The following APBA2 variants were observed in gnomAD, a reference collection of about 807,000 sequenced individuals.
APBA2 encodes the protein amyloid beta precursor protein binding family A member 2.
APBA2 carries 30 observed loss-of-function variants against 75.0 expected under a neutral mutation model. The observed-to-expected ratio is 0.40, with a 90% CI of 0.30 to 0.54. The LOEUF is 0.54. Among genes scored for constraint, APBA2 ranks in the 20% least tolerant of loss-of-function variants. The pLI is 0.49. For missense variants in APBA2, 801 were observed against 1,016.1 expected, an observed-to-expected ratio of 0.79 and a Z score of 2.88; for synonymous variants, 444 against 409.6, an observed-to-expected ratio of 1.08 and a Z score of -1.01.
chr15:28,983,804 G>A (rs972620882), intron 2 of APBA2, among the ~76,000 whole-genome samples: 20 of 152,206 alleles, frequency 1.3e-4, no homozygotes, highest in South Asian at 6.2e-4. Context: ...CCCACCTCTG[G>A]GGAAGGTTAG....
chr15:29,005,268 T>G (rs538159501), intron 3 of APBA2, among the ~76,000 whole-genome samples: 1 of 152,256 alleles, frequency 6.6e-6, no homozygotes, highest in Non-Finnish European at 1.5e-5. Context: ...TGCCTTTTTT[T>G]TTGTTTTTTT....
intron 2 of APBA2, among the ~76,000 whole-genome samples, chr15:28,985,793 A>G (rs1439662998): frequency 6.6e-6 from 1 of 152,214 alleles, no homozygotes; most frequent in Non-Finnish European, 1.5e-5. Context: ...GGTTCGTTCT[A>G]TGAAACGCAC....
intron 2 of APBA2, among the ~76,000 whole-genome samples, chr15:28,961,963 A>G (rs912783647): frequency 6.6e-6 from 1 of 152,212 alleles, no homozygotes; most frequent in African/African-American, 2.4e-5. Context: ...CCAGTGGGAC[A>G]GTTGAGAGAG....
chr15:29,117,326 A>AGAG lies in APBA2; in HGVS notation c.*194_*196dup, dbSNP rs1178762680. On this transcript the variant is annotated 3_prime_UTR_variant, in exon 15 of 15. Transcript: ENST00000683413. ...AAAAGGGGTATGTCTTTATCAAAGGAGAGTCACAGAACAAATGTTTGTTTG... is the reference window on the plus strand; with the variant it reads ...AAAAGGGGTATGTCTTTATCAAAGGAGAGGAGTCACAGAACAAATGTTTGTTTG... The AGAG allele has an allele frequency of 4.9e-6, 3 of 607,912 alleles. No individual in the cohort carries two copies. Among genetic ancestry groups the AGAG allele is most frequent in the East Asian group, 2.8e-5 (1 of 36,324 alleles). The allele number at this position is 607,912 out of a possible 1,614,324, so 37.7% of individuals were successfully genotyped here. A position where few individuals can be genotyped will look rare whatever the true frequency, so the allele number is the denominator to read the frequency against.
intron 1 of APBA2, among the ~76,000 whole-genome samples, chr15:28,909,241 C>T (rs541587769): frequency 7.2e-5 from 11 of 152,138 alleles, no homozygotes; most frequent in South Asian, 2.1e-4. Context: ...CCGCCCGCCT[C>T]GGCCTCCCAA....
chr15:29,070,833 A>G (rs2042588135), intron 4 of APBA2: 1 of 305,888 alleles, frequency 3.3e-6, no homozygotes, highest in Non-Finnish European at 6.4e-6. Flanking sequence ...GAAATATCAG[A>G]TGAGTAGGGA....
intron 14 of APBA2, among the ~76,000 whole-genome samples, chr15:29,116,627 C>CAAA (rs531479741): frequency 8.6e-6 from 1 of 116,754 alleles, no homozygotes; most frequent in African/African-American, 3.0e-5. Context: ...GACTCCGTCT[C>CAAA]AAAAAAAAAA....
At chr15:29,037,273 T>C (rs1044804779) in intron 3 of APBA2, among the ~76,000 whole-genome samples, 1 of 152,164 alleles carries the variant, frequency 6.6e-6, no homozygotes, top group Non-Finnish European at 1.5e-5. Context: ...GAACCCGTCT[T>C]GGTAGCTCCA....
At position 28,930,629 on chromosome 15, in the gene APBA2, G is replaced by A. The variant is rs551352015; in HGVS notation, c.-95+8880G>A. Reference sequence around the variant, plus strand: ...TTTTGCTGGCCAGGGAGTGTTCCGAGGGATGGAGTGTCTGGGGAGAGGGCA... The same window carrying A: ...TTTTGCTGGCCAGGGAGTGTTCCGAAGGATGGAGTGTCTGGGGAGAGGGCA... On this transcript the variant is annotated intron_variant, in intron 2 of 14. Coordinates refer to ENST00000683413, the MANE Select transcript of APBA2 (RefSeq NM_001353788.2). 2.4e-4 allele frequency among the ~76,000 whole-genome samples: 36 copies of A among 152,248 alleles called. No individual in the cohort carries two copies. In the South Asian group the frequency reaches 6.8e-3, roughly 29 times the overall value.
chr15:29,030,701 A>T (rs1019089727), intron 3 of APBA2, among the ~76,000 whole-genome samples: 1 of 151,338 alleles, frequency 6.6e-6, no homozygotes, highest in Non-Finnish European at 1.5e-5. Context: ...AATGCTACAT[A>T]GGCAGTTTTG....
At chr15:29,021,240 G>A (rs967418632) in intron 3 of APBA2, among the ~76,000 whole-genome samples, 2 of 152,062 alleles carry the variant, frequency 1.3e-5, no homozygotes, top group Non-Finnish European at 2.9e-5. Flanking sequence ...AAAAAAAAGA[G>A]GATGGGGGCC....
chr15:28,946,931 T>A (rs776502478), intron 2 of APBA2, among the ~76,000 whole-genome samples: 51 of 152,222 alleles, frequency 3.4e-4, no homozygotes, highest in African/African-American at 1.2e-3. Context: ...TGGTGTTGTC[T>A]GAAGTCACTA....
intron 2 of APBA2, among the ~76,000 whole-genome samples, chr15:28,960,203 G>A (rs1463481901): frequency 6.6e-6 from 1 of 150,442 alleles, no homozygotes; most frequent in East Asian, 2.0e-4. Flanking sequence ...GCTCGTGCCT[G>A]TAATCCCAGC....
chr15:29,089,656 C>G (rs550527368), intron 6 of APBA2, among the ~76,000 whole-genome samples: 1 of 152,202 alleles, frequency 6.6e-6, no homozygotes, highest in African/African-American at 2.4e-5. Context: ...CCCTCCCCTT[C>G]CCTCTCCAGA....
At chr15:28,995,129 G>C (rs1324643391) in intron 2 of APBA2, among the ~76,000 whole-genome samples, 2 of 152,080 alleles carry the variant, frequency 1.3e-5, no homozygotes, top group Non-Finnish European at 2.9e-5. Context: ...CAAGGGCCTG[G>C]CCTTGAAACC....
intron 2 of APBA2, among the ~76,000 whole-genome samples, chr15:28,981,915 G>A (rs113377985): frequency 3.3e-5 from 5 of 152,234 alleles, no homozygotes; most frequent in African/African-American, 1.2e-4. Context: ...ACAGAAAACC[G>A]AATACCACAT....
At chr15:29,026,271 C>G (rs1334173496) in intron 3 of APBA2, among the ~76,000 whole-genome samples, 1 of 152,200 alleles carries the variant, frequency 6.6e-6, no homozygotes, top group Non-Finnish European at 1.5e-5. Flanking sequence ...AGAGCACACA[C>G]TCAGGTGCAT....
In APBA2 at chr15:29,076,059, A is replaced by T; in HGVS notation, c.1037A>T (p.Lys346Met). 6.2e-7 allele frequency: 1 copy of T among 1,614,170 alleles called. No homozygotes were observed. Among genetic ancestry groups the T allele is most frequent in the Middle Eastern group, 1.6e-4 (1 of 6,062 alleles). Residue 346 changes from lysine to methionine, a missense_variant, in exon 6 of 15, where the codon AAG becomes ATG. By Grantham distance (95) the Lys-to-Met change is moderately conservative (BLOSUM62 -1). Transcript: ENST00000683413. ...PVDNNNIPET[K>M]KVASFPSFVA... ...TTTTTCCATATTTCCTAACAGACAA[A>T]GAAGGTGGCATCATTTCCAAGTTTT...
chr15:28,981,291 G>A (rs1414121408), intron 2 of APBA2, among the ~76,000 whole-genome samples: 1 of 152,142 alleles, frequency 6.6e-6, no homozygotes, highest in Non-Finnish European at 1.5e-5. Context: ...TCTACAAGGA[G>A]CTTAAACAAT....
Sources: gnomAD v4.1 joint callset for allele counts (sites outside exome capture counted in the v4.1 genomes callset) on GRCh38, gnomAD v4.1.1 for gene constraint, MANE v1.5 for transcripts, NCBI Gene and HGNC (gene_info 2026-07-23, HGNC 2026-07-21) for gene names.